The following CNTN5 variants were observed in gnomAD, a reference collection of about 807,000 sequenced individuals.
The protein encoded by CNTN5 is contactin 5.
A neutral mutation model predicts 129.1 loss-of-function variants in CNTN5; 77 were observed. That is an observed-to-expected ratio of 0.60 (90% CI 0.50 to 0.72). The LOEUF is 0.72. Ranked by LOEUF, CNTN5 falls within the 30% of genes least tolerant of loss-of-function variation. The pLI, the probability that CNTN5 is intolerant of heterozygous loss-of-function variation, is 0.00. For synonymous variants in CNTN5, 509 were observed against 465.6 expected, an observed-to-expected ratio of 1.09 and a Z score of -1.20; for missense variants, 1,478 against 1,328.8, an observed-to-expected ratio of 1.11 and a Z score of -1.75.
At chr11:99,593,156 G>A (rs1245422167) in intron 3 of CNTN5, among the ~76,000 whole-genome samples, 1 of 152,088 alleles carries the variant, frequency 6.6e-6, no homozygotes, top group Non-Finnish European at 1.5e-5. Context: ...CTGATGGAGA[G>A]TGTTTTCTCT....
At chr11:100,340,103 G>A (rs1952127582) in intron 21 of CNTN5, among the ~76,000 whole-genome samples, 1 of 152,266 alleles carries the variant, frequency 6.6e-6, no homozygotes, top group East Asian at 1.9e-4. Flanking sequence ...GAAGTTTCAT[G>A]GTTTTGAATG....
At chr11:99,739,701 T>G (rs1032894282) in intron 3 of CNTN5, among the ~76,000 whole-genome samples, 5 of 152,108 alleles carry the variant, frequency 3.3e-5, no homozygotes, top group Non-Finnish European at 5.9e-5. Flanking sequence ...GAAATTCAGA[T>G]GAGATTTCTT....
intron 2 of CNTN5, among the ~76,000 whole-genome samples, chr11:99,499,896 G>A (rs1209601978): frequency 4.6e-5 from 7 of 152,238 alleles, no homozygotes; most frequent in South Asian, 2.1e-4. Context: ...GGGTGCCATA[G>A]AAAAAGTTAG....
intron 3 of CNTN5, among the ~76,000 whole-genome samples, chr11:99,797,927 T>A (rs1249771411): frequency 1.3e-5 from 2 of 152,188 alleles, no homozygotes; most frequent in Non-Finnish European, 2.9e-5. Flanking sequence ...AAATATAGCC[T>A]CTGCCTGTTT....
At chr11:99,064,445 C>T (rs568823688) in intron 1 of CNTN5, among the ~76,000 whole-genome samples, 43 of 150,196 alleles carry the variant, frequency 2.9e-4, no homozygotes, top group African/African-American at 7.8e-4. Flanking sequence ...AAAAGATTTT[C>T]ATTATGAAGA....
rs148837184 is a variant in CNTN5, at chr11:100,061,430, C to G, written c.1162+37C>G. On this transcript the variant is annotated intron_variant, in intron 10 of 24. Coordinates refer to ENST00000524871, the MANE Select transcript of CNTN5 (RefSeq NM_014361.4). Reference sequence around the variant, plus strand: ...CAGCAAAGCATGATTGCTCTAGTCCCAAAAGTCAAACTGAAAGTGGAAATT... The same window carrying G: ...CAGCAAAGCATGATTGCTCTAGTCCGAAAAGTCAAACTGAAAGTGGAAATT... 2.3e-3 allele frequency: 3,324 copies of G among 1,416,954 alleles called. 37 individuals are homozygous for G. In the African/African-American group the frequency reaches 0.024, roughly 10 times the overall value. 87.8% of individuals were successfully genotyped at this position (1,416,954 alleles called of 1,614,324 possible).
Position 99,786,454 on chromosome 11 carries a change from A to G in CNTN5, c.56-33090A>G, listed in dbSNP as rs988186989. ...CAAAGTAATTTATAGATTCAATGCT[A>G]TTCCCATCAAGCTACCATGTACTTT... On this transcript the variant is annotated intron_variant, in intron 3 of 24. Transcript: ENST00000524871. 1.3e-4 allele frequency among the ~76,000 whole-genome samples: 20 copies of G among 152,322 alleles called. 1 individual carries two copies. The highest frequency in any genetic ancestry group is 3.8e-4 in the African/African-American group (16 of 41,566).
chr11:99,456,300 T>A (rs1944494468), intron 2 of CNTN5, among the ~76,000 whole-genome samples: 1 of 151,904 alleles, frequency 6.6e-6, no homozygotes. Flanking sequence ...CGTGAGAATG[T>A]TTTAGGTGGT....
intron 1 of CNTN5, among the ~76,000 whole-genome samples, chr11:99,042,771 A>ATCTTGACCATTCACCTTCCATTCTT (rs1416922954): frequency 1.3e-5 from 2 of 148,622 alleles, no homozygotes; most frequent in African/African-American, 5.3e-5. Context: ...ATAAATACTT[A>ATCTTGACCATTCACCTTCCATTCTT]TTGAATGAAT....
intron 1 of CNTN5, among the ~76,000 whole-genome samples, chr11:99,260,091 A>G (rs929484128): frequency 2.0e-5 from 3 of 151,678 alleles, no homozygotes; most frequent in Non-Finnish European, 3.0e-5. Context: ...CATAATTTTT[A>G]TCATGCAAAA....
intron 2 of CNTN5, among the ~76,000 whole-genome samples, chr11:99,331,782 T>C (rs925764889): frequency 6.6e-6 from 1 of 152,140 alleles, no homozygotes; most frequent in African/African-American, 2.4e-5. Flanking sequence ...GAATAAAATA[T>C]ACCTACTTGA....
chr11:99,953,173 T>C (rs1454989657), intron 7 of CNTN5, among the ~76,000 whole-genome samples: 5 of 152,198 alleles, frequency 3.3e-5, no homozygotes. Flanking sequence ...TTTTTGTTAA[T>C]GGCACTGCAG....
chr11:99,685,539 A>G (rs975334001), intron 3 of CNTN5, among the ~76,000 whole-genome samples: 1 of 151,974 alleles, frequency 6.6e-6, no homozygotes, highest in African/African-American at 2.4e-5. Flanking sequence ...ACATAATTTG[A>G]TAAACACTAA....
At chr11:99,180,142 C>T (rs562440901) in intron 1 of CNTN5, among the ~76,000 whole-genome samples, 46 of 152,124 alleles carry the variant, frequency 3.0e-4, no homozygotes, top group African/African-American at 1.1e-3. Flanking sequence ...ATGTAAATGG[C>T]AATGCAGATG....
chr11:99,168,297 C>T (rs550819376), intron 1 of CNTN5, among the ~76,000 whole-genome samples: 42 of 152,088 alleles, frequency 2.8e-4, no homozygotes, highest in Non-Finnish European at 6.0e-4. Flanking sequence ...GGTGTGATGG[C>T]TCACGCCTGT....
chr11:99,464,615 C>G (rs1944862031), intron 2 of CNTN5, among the ~76,000 whole-genome samples: 1 of 152,046 alleles, frequency 6.6e-6, no homozygotes, highest in African/African-American at 2.4e-5. Context: ...GAATTACATA[C>G]TCAGAGTATT....
chr11:99,819,294 CCTCCCCTT>C (rs1946694534), intron 3 of CNTN5, among the ~76,000 whole-genome samples: 2 of 48,730 alleles, frequency 4.1e-5, no homozygotes, highest in African/African-American at 1.9e-4. Flanking sequence ...CCTCTCCTCT[CCTCCCCTT>C]CCCTCCCCTC....
intron 8 of CNTN5, among the ~76,000 whole-genome samples, chr11:99,974,118 T>C (rs939134135): frequency 6.6e-6 from 1 of 152,250 alleles, no homozygotes; most frequent in South Asian, 2.1e-4. Context: ...ATTCTTCCTT[T>C]GCACCAGCCA....
chr11:99,644,258 C>T (rs945691386), intron 3 of CNTN5, among the ~76,000 whole-genome samples: 1 of 152,104 alleles, frequency 6.6e-6, no homozygotes, highest in Admixed American at 6.6e-5. Flanking sequence ...GCTCGTTTTG[C>T]TTTGAGTTCC....
Sources: gnomAD v4.1 joint callset for allele counts (sites outside exome capture counted in the v4.1 genomes callset) on GRCh38, gnomAD v4.1.1 for gene constraint, MANE v1.5 for transcripts, NCBI Gene and HGNC (gene_info 2026-07-23, HGNC 2026-07-21) for gene names.